The following GTPBP6 variants were observed in gnomAD, a reference collection of about 807,000 sequenced individuals.
The protein encoded by GTPBP6 is GTP binding protein 6.
Under a neutral mutation model 28.9 loss-of-function variants are expected in GTPBP6, and 33 were observed. The ratio of observed to expected loss-of-function variants is 1.14; its 90% CI spans 0.87 to 1.53. GTPBP6 has a LOEUF of 1.53. Ranked by LOEUF, GTPBP6 falls within the 40% of genes most tolerant of loss-of-function variation. The pLI, the probability that GTPBP6 is intolerant of heterozygous loss-of-function variation, is 0.00. For synonymous variants in GTPBP6, 231 were observed against 192.7 expected (o/e 1.20, Z -1.65); for missense variants, 507 against 408.3 (o/e 1.24, Z -2.08).
At chrX:307,786 G>A (rs371010117) in exon 8 of GTPBP6, 26 of 1,541,454 alleles carry the variant, frequency 1.7e-5, no homozygotes, top group Non-Finnish European at 2.3e-5. Flanking sequence ...CAGGAGCGGG[G>A]CGGGCAGCTG....
chrX:312,827 G>C (rs763742406), exon 6 of GTPBP6: 2 of 1,612,792 alleles, frequency 1.2e-6, no homozygotes, highest in Non-Finnish European at 1.7e-6. Context: ...GCTGCCGGCG[G>C]AGCAGGTGCC....
intron 6 of GTPBP6, chrX:311,865 G>A: frequency 5.0e-6 from 3 of 603,438 alleles, no homozygotes; most frequent in South Asian, 1.9e-5. Flanking sequence ...AGATGGTGGT[G>A]TGGACGGGTG....
At chrX:317,185 G>A (rs1351827899) in intron 1 of GTPBP6, 134 bp from the exon 2 acceptor site, 6 of 397,744 alleles carry the variant, frequency 1.5e-5, no homozygotes, top group Non-Finnish European at 2.7e-5. Context: ...TTTGTCCCCC[G>A]ATATGACTTC....
intron 5 of GTPBP6, among the ~76,000 whole-genome samples, chrX:313,745 C>A (rs781051918): frequency 6.6e-6 from 1 of 152,124 alleles, no homozygotes; most frequent in South Asian, 2.1e-4. Context: ...GGCCACAAAC[C>A]CAGGGATGCC....
At chrX:308,903 T>A (rs2070228631) in intron 7 of GTPBP6, among the ~76,000 whole-genome samples, 2 of 151,872 alleles carry the variant, frequency 1.3e-5, no homozygotes, top group South Asian at 4.2e-4. Flanking sequence ...GCCTGGCTAA[T>A]TTTTTATATT....
chrX:310,016 G>C (rs1346842979), intron 7 of GTPBP6, among the ~76,000 whole-genome samples: 1 of 138,690 alleles, frequency 7.2e-6, no homozygotes, highest in Non-Finnish European at 1.5e-5. Flanking sequence ...GCCCAGGGAC[G>C]CCTGGAGCCC....
rs1432185802 is a variant in GTPBP6, at chrX:307,665, A to G, written c.1274+67T>C. On this transcript the variant is annotated intron_variant, in intron 8 of 9. Coordinates refer to ENST00000326153, the Ensembl canonical transcript of GTPBP6. ...TGCGGTTCACACGAGGAGACGGGGC[A>G]TCTCCCCACCCGGCTCCAGCGCGTG... 7 of 1,430,892 alleles carry G rather than the reference A, an allele frequency of 4.9e-6. No homozygotes were observed. The East Asian group carries it at 1.7e-4, about 36-fold the overall frequency. 88.6% of individuals were successfully genotyped at this position (1,430,892 alleles called of 1,614,324 possible).
chrX:307,200 T>C (rs1032038403), intron 9 of GTPBP6, among the ~76,000 whole-genome samples, 160 bp downstream of exon 9: 1 of 152,038 alleles, frequency 6.6e-6, no homozygotes, highest in African/African-American at 2.4e-5. Flanking sequence ...GTATGCACAG[T>C]CACAAATGTA....
In GTPBP6 at chrX:312,981, G is replaced by A. The variant is rs188619992; in HGVS notation, c.758-57C>T. ...GCCACGCCGGGAAAGGCACAAGTGC[G>A]GGCGGTGCCGCGGAGGGTCTGCGGG... is the stretch of plus-strand genomic sequence containing the variant. On this transcript the variant is annotated intron_variant, in intron 5 of 9. Coordinates refer to ENST00000326153, the Ensembl canonical transcript of GTPBP6. The A allele has an allele frequency of 9.6e-4, 1,449 of 1,508,702 alleles. 12 individuals carry two copies. In the African/African-American group the frequency reaches 0.017, roughly 17 times the overall value. The allele number at this position is 1,508,702 out of a possible 1,614,324, so 93.5% of individuals were successfully genotyped here.
At chrX:311,978 G>C (rs1156783399) in intron 6 of GTPBP6, 3 of 547,678 alleles carry the variant, frequency 5.5e-6, no homozygotes, top group Non-Finnish European at 1.0e-5. Flanking sequence ...GTGTGGATGG[G>C]AGGATGGTGT....
intron 9 of GTPBP6, 127 bp from the exon 10 acceptor site, chrX:305,324 G>GTT (rs375287376): frequency 0.017 from 9,752 of 584,254 alleles, 5 homozygotes; most frequent in African/African-American, 0.025. Context: ...GTTTCCTTTT[G>GTT]TTTTTTTTTT....
chrX:318,565 C>A, exon 1 of GTPBP6: 1 of 398,420 alleles, frequency 2.5e-6, no homozygotes, highest in Non-Finnish European at 4.4e-6. Context: ...TCGTCCGCAT[C>A]TTCCGGCTCC....
chrX:314,064 G>T, intron 5 of GTPBP6, 86 bp downstream of exon 5: 2 of 1,040,284 alleles, frequency 1.9e-6, no homozygotes, highest in Non-Finnish European at 3.0e-6. Flanking sequence ...CCACCCTGTT[G>T]GAATCTTCCA....
chrX:315,209 C>A lies in GTPBP6; in HGVS notation c.558+20G>T. 2.5e-6 allele frequency: 1 copy of A among 398,678 alleles called. No homozygotes were observed. Among genetic ancestry groups the A allele is most frequent in the Non-Finnish European group, 4.4e-6 (1 of 226,110 alleles). The allele number at this position is 398,678 out of a possible 1,614,324, so 24.7% of individuals were successfully genotyped here. Reference sequence around the variant, plus strand: ...GCGTGGAGTGCGGGGACAAACACAGCAAGCCACATCCTGTGGTACCTTGGT... The same window carrying A: ...GCGTGGAGTGCGGGGACAAACACAGAAAGCCACATCCTGTGGTACCTTGGT... On this transcript the variant is annotated intron_variant, in intron 3 of 9. Transcript: ENST00000326153.
At chrX:314,564 T>C (rs1053428272) in intron 4 of GTPBP6, among the ~76,000 whole-genome samples, 25 of 151,842 alleles carry the variant, frequency 1.6e-4, no homozygotes, top group African/African-American at 5.1e-4. Context: ...GCTCCACCTC[T>C]GGGGTTCACG....
chrX:312,972 C>A, intron 5 of GTPBP6, 48 bp from the exon 6 acceptor site: 1 of 1,565,450 alleles, frequency 6.4e-7, no homozygotes, highest in Non-Finnish European at 8.7e-7. Context: ...CCGGGAAAGG[C>A]ACAAGTGCGG....
In GTPBP6 at chrX:311,239, G is replaced by GCCCC. The variant is rs1569350003; in HGVS notation, c.1125+179_1125+180insGGGG. On this transcript the variant is annotated intron_variant, in intron 7 of 9. Coordinates refer to ENST00000326153, the Ensembl canonical transcript of GTPBP6. ...GGCTTTGTGTGTGTCTGAGTGCCTGGTCCCCGTGCCCAGTGGGTGTCCGAG... is the reference window on the plus strand; with the variant it reads ...GGCTTTGTGTGTGTCTGAGTGCCTGGCCCCTCCCCGTGCCCAGTGGGTGTCCGAG... Among the ~76,000 whole-genome samples, 141 of 99,412 alleles carry GCCCC rather than the reference G, an allele frequency of 1.4e-3. 10 individuals carry two copies. The highest frequency in any genetic ancestry group is 4.9e-3 in the African/African-American group (136 of 27,796). The allele number at this position is 99,412 out of a possible 152,430, so 65.2% of individuals were successfully genotyped here. A position where few individuals can be genotyped will look rare whatever the true frequency, so the allele number is the denominator to read the frequency against.
At chrX:314,160 G>C in exon 5 of GTPBP6, 2 of 1,612,374 alleles carry the variant, frequency 1.2e-6, no homozygotes, top group Non-Finnish European at 1.7e-6. Flanking sequence ...CTGACCCCAT[G>C]ATGTAGCGCG....
rs766194178 is a variant in GTPBP6, at chrX:305,176, T to C, written c.1449A>G (p.Thr483=). The C allele has an allele frequency of 2.5e-6, 4 of 1,613,506 alleles. No individual in the cohort carries two copies. The East Asian group carries it at 6.7e-5, about 27-fold the overall frequency. ...CAGGGATCACGTCCACCTCCTGAAC[T>C]GTGGCCTCCTTATACAGCCAGCTGG... The change falls in exon 10 of 10, where the codon ACA becomes ACG. Residue 483 remains threonine, a synonymous_variant. Transcript: ENST00000326153.
Sources: gnomAD v4.1 joint callset for allele counts (sites outside exome capture counted in the v4.1 genomes callset) on GRCh38, gnomAD v4.1.1 for gene constraint, MANE v1.5 for transcripts, NCBI Gene and HGNC (gene_info 2026-07-23, HGNC 2026-07-21) for gene names.